The following KDM5A variants were observed in gnomAD, a reference collection of about 807,000 sequenced individuals.
The protein encoded by KDM5A is lysine-specific demethylase 5A.
A neutral mutation model predicts 193.5 loss-of-function variants in KDM5A; 42 were observed. The ratio of observed to expected loss-of-function variants is 0.22; its 90% CI spans 0.17 to 0.28. The LOEUF is 0.28. KDM5A is among the 10% of genes least tolerant of loss of function. The pLI is 1.00. For synonymous variants in KDM5A, 796 were observed against 718.1 expected, an observed-to-expected ratio of 1.11 and a Z score of -1.73; for missense variants, 1,692 against 2,055.1, an observed-to-expected ratio of 0.82 and a Z score of 3.42.
At chr12:326,956 A>T (rs527279895) in intron 14 of KDM5A, among the ~76,000 whole-genome samples, 1 of 152,086 alleles carries the variant, frequency 6.6e-6, no homozygotes, top group African/African-American at 2.4e-5. Context: ...TTTCAAAAGT[A>T]TGATGGGAAC....
At position 335,997 on chromosome 12, in the gene KDM5A, C is replaced by T. The variant is rs906447326; in HGVS notation, c.1309-1575G>A. Among the ~76,000 whole-genome samples the T allele has an allele frequency of 1.3e-4, 18 of 135,776 alleles. 1 individual carries two copies. The highest frequency in any genetic ancestry group is 5.7e-4 in the Admixed American group (7 of 12,272). The allele number at this position is 135,776 out of a possible 152,430, so 89.1% of individuals were successfully genotyped here. On this transcript the variant is annotated intron_variant, in intron 10 of 27. Transcript: ENST00000399788. Reference sequence around the variant, plus strand: ...GGCAGAGATTGCAGTGAGCCGAGATCGCGGCATTGCACTCCAGTCTGGGCA... The same window carrying T: ...GGCAGAGATTGCAGTGAGCCGAGATTGCGGCATTGCACTCCAGTCTGGGCA...
chr12:363,124 G>C, intron 4 of KDM5A, 27 bp from the exon 5 acceptor site: 1 of 1,613,534 alleles, frequency 6.2e-7, no homozygotes, highest in Middle Eastern at 1.7e-4. Flanking sequence ...CAGAAAGAGA[G>C]CAGGTTCACT....
chr12:290,100 G>A (rs966278678), intron 27 of KDM5A, among the ~76,000 whole-genome samples: 3 of 151,886 alleles, frequency 2.0e-5, no homozygotes, highest in Non-Finnish European at 2.9e-5. Flanking sequence ...GGACTACCAG[G>A]ATGGGCCACT....
intron 14 of KDM5A, among the ~76,000 whole-genome samples, chr12:324,435 A>T (rs1319742894): frequency 1.3e-5 from 2 of 152,240 alleles, no homozygotes; most frequent in Non-Finnish European, 2.9e-5. Flanking sequence ...TGAGCAAAAT[A>T]AATCAGTAAT....
chr12:369,751 G>T (rs1591935973), intron 3 of KDM5A, among the ~76,000 whole-genome samples: 1 of 152,094 alleles, frequency 6.6e-6, no homozygotes, highest in East Asian at 1.9e-4. Context: ...CAAGCAGGGA[G>T]AAGTAAAAGA....
intron 25 of KDM5A, 22 bp from the exon 26 acceptor site, chr12:295,815 A>C (rs752593622): frequency 6.2e-7 from 1 of 1,602,212 alleles, no homozygotes; most frequent in Admixed American, 1.7e-5. Flanking sequence ...AATACCATAA[A>C]ACAAAGCAAA....
chr12:307,342 T>G lies in KDM5A; in HGVS notation c.3930+112A>C, dbSNP rs1389170886. On this transcript the variant is annotated intron_variant, in intron 23 of 27. Transcript: ENST00000399788. The surrounding 1 kb of genome is among the most constrained non-coding windows in gnomAD (Gnocchi z 4.3). ...GTTGAAGGAGAATGCAATGGATAAT[T>G]GCTGACAAGTTACTGTTATTTTCCT... 1 of 1,218,782 alleles carries G rather than the reference T, an allele frequency of 8.2e-7. No homozygotes were observed. Among genetic ancestry groups the G allele is most frequent in the East Asian group, 2.4e-5 (1 of 41,758 alleles). 75.5% of individuals were successfully genotyped at this position (1,218,782 alleles called of 1,614,324 possible). A position where few individuals can be genotyped will look rare whatever the true frequency, so the allele number is the denominator to read the frequency against.
intron 10 of KDM5A, among the ~76,000 whole-genome samples, chr12:346,272 T>C (rs1380194154): frequency 6.6e-6 from 1 of 152,118 alleles, no homozygotes; most frequent in Non-Finnish European, 1.5e-5. Flanking sequence ...GAGGCAATAA[T>C]AGCCTACCAA....
At chr12:351,312 T>C (rs1198856420) in intron 9 of KDM5A, among the ~76,000 whole-genome samples, 1 of 152,114 alleles carries the variant, frequency 6.6e-6, no homozygotes, top group Non-Finnish European at 1.5e-5. Context: ...GTGGGGTGTT[T>C]AGTTTTCTGC....
rs1943138755 is a variant in KDM5A at position 280,082 on chromosome 12, C to G, written c.*5374G>C. On this transcript the variant is annotated 3_prime_UTR_variant, in exon 28 of 28. Transcript: ENST00000399788. The stretch of plus-strand genomic sequence containing the variant: ...GAAATATTAAATCAAGTCTTTCTTC[C>G]TACCAAAGTAGAAATACACTTTACA... The G allele has an allele frequency of 4.5e-6, 1 of 221,098 alleles. No individual in the cohort carries two copies. Among genetic ancestry groups the G allele is most frequent in the African/African-American group, 2.2e-5 (1 of 44,706 alleles). 13.7% of individuals were successfully genotyped at this position (221,098 alleles called of 1,614,324 possible).
chr12:301,106 G>C (rs933818375), intron 24 of KDM5A, among the ~76,000 whole-genome samples: 1 of 152,140 alleles, frequency 6.6e-6, no homozygotes, highest in African/African-American at 2.4e-5. Context: ...GGTACAAAGA[G>C]GATCTGGTAC....
intron 27 of KDM5A, among the ~76,000 whole-genome samples, chr12:289,272 T>G (rs1372343694): frequency 6.6e-6 from 1 of 152,110 alleles, no homozygotes; most frequent in African/African-American, 2.4e-5. Context: ...CTGAGAGAAT[T>G]TGATATTTTT....
At chr12:293,910 T>C (rs558478412) in intron 26 of KDM5A, among the ~76,000 whole-genome samples, 241 of 151,718 alleles carry the variant, frequency 1.6e-3, no homozygotes, top group African/African-American at 5.4e-3. Context: ...ATTTAACTTA[T>C]ACTAGCTTAC....
intron 7 of KDM5A, 56 bp downstream of exon 7, chr12:355,102 G>A (rs1332199364): frequency 9.3e-7 from 1 of 1,074,174 alleles, no homozygotes; most frequent in Non-Finnish European, 1.5e-6. Context: ...GATAGAAAGT[G>A]CAAAACTATA....
chr12:335,178 G>A (rs1565537533), intron 10 of KDM5A, among the ~76,000 whole-genome samples: 1 of 152,226 alleles, frequency 6.6e-6, no homozygotes, highest in Non-Finnish European at 1.5e-5. Context: ...GAAACAGAGT[G>A]GAAGCAAGCC....
At chr12:343,487 C>G (rs1032733002) in intron 10 of KDM5A, among the ~76,000 whole-genome samples, 2 of 152,192 alleles carry the variant, frequency 1.3e-5, no homozygotes, top group African/African-American at 4.8e-5. Flanking sequence ...TGTAGCCTAA[C>G]TGGGAGACAC....
At chr12:336,691 A>G (rs1020846599) in intron 10 of KDM5A, among the ~76,000 whole-genome samples, 16 of 152,104 alleles carry the variant, frequency 1.1e-4, no homozygotes, top group East Asian at 3.9e-4. Context: ...AAATACAAAA[A>G]TCAGCCAAGC....
intron 10 of KDM5A, among the ~76,000 whole-genome samples, chr12:344,445 A>C (rs535033388): frequency 1.3e-5 from 2 of 152,296 alleles, no homozygotes; most frequent in South Asian, 4.1e-4. Context: ...GAGAAGAGCA[A>C]ACCCAAGACA....
chr12:293,481 A>G (rs57022939), intron 26 of KDM5A, among the ~76,000 whole-genome samples: 32,210 of 152,132 alleles, frequency 0.21, 3,641 homozygotes, highest in South Asian at 0.3. Flanking sequence ...TTATGCTACA[A>G]TAAAAAAGAT....
Sources: gnomAD v4.1 joint callset for allele counts (sites outside exome capture counted in the v4.1 genomes callset) on GRCh38, gnomAD v4.1.1 for gene constraint, Gnocchi (gnomAD v3.1) non-coding constraint, MANE v1.5 for transcripts, NCBI Gene and HGNC (gene_info 2026-07-23, HGNC 2026-07-21) for gene names.